PLA2G4A: variants seen among roughly 807,000 people sequenced by gnomAD.
The protein encoded by PLA2G4A is phospholipase A2 group IVA, also known as cytosolic phospholipase A2.
In PLA2G4A, 40 loss-of-function variants were observed where a neutral mutation model predicts 81.9. The ratio of observed to expected loss-of-function variants is 0.49; its 90% CI spans 0.38 to 0.64. PLA2G4A has a LOEUF of 0.64. PLA2G4A is among the 30% of genes least tolerant of loss of function. PLA2G4A has a pLI of 0.00. For synonymous variants in PLA2G4A, 302 were observed against 296.9 expected (o/e 1.02, Z -0.18); for missense variants, 715 against 905.1 (o/e 0.79, Z 2.69).
At chr1:186,969,548 T>C (rs974269153) in intron 15 of PLA2G4A, among the ~76,000 whole-genome samples, 42 of 151,946 alleles carry the variant, frequency 2.8e-4, no homozygotes, top group Admixed American at 2.8e-3. Flanking sequence ...ATTCACTCTT[T>C]ATTTCCCCTT....
intron 7 of PLA2G4A, among the ~76,000 whole-genome samples, chr1:186,921,480 C>G (rs1341655273): frequency 6.6e-6 from 1 of 152,186 alleles, no homozygotes; most frequent in African/African-American, 2.4e-5. Flanking sequence ...GCCTTTCCAC[C>G]ATGTGTCTGT....
chr1:186,952,136 G>A (rs536901966), intron 13 of PLA2G4A, among the ~76,000 whole-genome samples: 1 of 152,238 alleles, frequency 6.6e-6, no homozygotes, highest in South Asian at 2.1e-4. Flanking sequence ...GCTATCACAT[G>A]CCTAGCATCT....
chr1:186,918,843 C>A (rs1287727661), intron 7 of PLA2G4A, among the ~76,000 whole-genome samples: 1 of 152,236 alleles, frequency 6.6e-6, no homozygotes, highest in South Asian at 2.1e-4. Context: ...CTTCGGTAGT[C>A]ATCAAAGTTA....
At chr1:186,928,801 A>C (rs1655640637) in intron 7 of PLA2G4A, among the ~76,000 whole-genome samples, 1 of 152,200 alleles carries the variant, frequency 6.6e-6, no homozygotes, top group South Asian at 2.1e-4. Context: ...TCAAAACGCA[A>C]GGTTTTTGGT....
chr1:186,981,545 T>C (rs1285554512), intron 17 of PLA2G4A, among the ~76,000 whole-genome samples: 1 of 152,226 alleles, frequency 6.6e-6, no homozygotes, highest in Non-Finnish European at 1.5e-5. Flanking sequence ...AAATATGTTT[T>C]CACTTTTTAT....
chr1:186,872,340 T>G (rs1421290361), intron 3 of PLA2G4A, among the ~76,000 whole-genome samples: 1 of 152,056 alleles, frequency 6.6e-6, no homozygotes, highest in Non-Finnish European at 1.5e-5. Flanking sequence ...CCCACCATAC[T>G]CTTAAGAAAA....
intron 4 of PLA2G4A, among the ~76,000 whole-genome samples, chr1:186,893,652 G>A (rs1199673347): frequency 3.3e-5 from 5 of 151,924 alleles, no homozygotes; most frequent in Non-Finnish European, 2.9e-5. Context: ...AAGATTGGCC[G>A]GGCACTGTGG....
At chr1:186,980,883 C>G (rs571847821) in intron 17 of PLA2G4A, among the ~76,000 whole-genome samples, 1 of 151,932 alleles carries the variant, frequency 6.6e-6, no homozygotes, top group African/African-American at 2.4e-5. Flanking sequence ...TCTAAAAATG[C>G]TTATCAAAAT....
chr1:186,881,327 G>A (rs901965762), intron 3 of PLA2G4A, among the ~76,000 whole-genome samples: 1 of 152,106 alleles, frequency 6.6e-6, no homozygotes, highest in Admixed American at 6.6e-5. Flanking sequence ...AATTTCAAAT[G>A]AGGGAAAGGC....
rs191021776 is a variant in PLA2G4A at position 186,969,431 on chromosome 1, T to A, written c.1764+3838T>A. On this transcript the variant is annotated intron_variant, in intron 15 of 17. Coordinates refer to ENST00000367466, the MANE Select transcript of PLA2G4A (RefSeq NM_024420.3). ...AACATTCCAATTCCATTCTTTTAGT[T>A]ATTTTGAAATATATAATAAATTATT... 3.6e-3 allele frequency among the ~76,000 whole-genome samples: 552 copies of A among 151,942 alleles called. 4 individuals carry two copies. Among genetic ancestry groups the A allele is most frequent in the Middle Eastern group, 0.017 (5 of 294 alleles).
chr1:186,958,792 TC>T (rs1371531901), intron 14 of PLA2G4A, among the ~76,000 whole-genome samples: 2 of 152,208 alleles, frequency 1.3e-5, no homozygotes, highest in Non-Finnish European at 2.9e-5. Flanking sequence ...AGGTCTACAC[TC>T]CACATTTTAA....
chr1:186,957,793 C>T (rs1656807632), intron 14 of PLA2G4A, among the ~76,000 whole-genome samples: 1 of 152,180 alleles, frequency 6.6e-6, no homozygotes, highest in African/African-American at 2.4e-5. Context: ...GTTAAATTTG[C>T]TTTGGTGACC....
chr1:186,870,013 T>C (rs1057335616), intron 2 of PLA2G4A, among the ~76,000 whole-genome samples: 9 of 152,218 alleles, frequency 5.9e-5, no homozygotes, highest in African/African-American at 1.7e-4. Context: ...ACTGGAAATG[T>C]CATGCAGAAA....
chr1:186,962,203 T>A (rs1656970336), intron 14 of PLA2G4A, among the ~76,000 whole-genome samples: 1 of 152,144 alleles, frequency 6.6e-6, no homozygotes, highest in East Asian at 1.9e-4. Flanking sequence ...TTATCTTTAC[T>A]GTTGTTAATC....
At chr1:186,939,327 A>G (rs1419049963) in intron 9 of PLA2G4A, 97 bp downstream of exon 9, 2 of 557,994 alleles carry the variant, frequency 3.6e-6, no homozygotes, top group African/African-American at 1.9e-5. Flanking sequence ...TACATTTTAT[A>G]AAAGTCAGTG....
intron 3 of PLA2G4A, among the ~76,000 whole-genome samples, chr1:186,872,743 C>A (rs1340425484): frequency 1.3e-5 from 2 of 152,026 alleles, no homozygotes; most frequent in African/African-American, 2.4e-5. Flanking sequence ...CATTTTAAAT[C>A]TCTTTGAATT....
At chr1:186,925,584 C>G (rs768073240) in intron 7 of PLA2G4A, among the ~76,000 whole-genome samples, 1 of 152,100 alleles carries the variant, frequency 6.6e-6, no homozygotes, top group Non-Finnish European at 1.5e-5. Flanking sequence ...ATAGGCTTCC[C>G]CTATACAATC....
At position 186,949,330 on chromosome 1, in the gene PLA2G4A, GGAAAGAAGAAA is replaced by G. The variant is rs1354130832; in HGVS notation, c.1265-1320_1265-1310del. On this transcript the variant is annotated intron_variant, in intron 12 of 17. Transcript: ENST00000367466. ...GAAAGAGAAAGAAGGAAGGAAGGAA[GGAAAGAAGAAA>G]GAAAGAGAAAGAAAGAAAGAGAAAG... Among the ~76,000 whole-genome samples, 630 of 98,230 alleles carry G rather than the reference GGAAAGAAGAAA, an allele frequency of 6.4e-3. 3 individuals are homozygous for G. The highest frequency in any genetic ancestry group is 0.023 in the African/African-American group (569 of 24,942). 64.4% of individuals were successfully genotyped at this position (98,230 alleles called of 152,430 possible). A position where few individuals can be genotyped will look rare whatever the true frequency, so the allele number is the denominator to read the frequency against.
At chr1:186,981,553 T>C (rs1238510144) in intron 17 of PLA2G4A, among the ~76,000 whole-genome samples, 1 of 152,220 alleles carries the variant, frequency 6.6e-6, no homozygotes, top group Non-Finnish European at 1.5e-5. Flanking sequence ...TTTCACTTTT[T>C]ATTGTTATAA....
Sources: allele counts gnomAD v4.1 joint callset (sites outside exome capture counted in the v4.1 genomes callset), GRCh38; gene constraint gnomAD v4.1.1; transcripts MANE v1.5; gene names NCBI Gene and HGNC (gene_info 2026-07-23, HGNC 2026-07-21).